Variants in PARP11 observed in about 807,000 individuals in gnomAD.
The protein encoded by PARP11 is protein mono-ADP-ribosyltransferase PARP11.
Under a neutral mutation model 42.9 loss-of-function variants are expected in PARP11, and 31 were observed. The ratio of observed to expected loss-of-function variants is 0.72; its 90% CI spans 0.54 to 0.98. The LOEUF (loss-of-function observed/expected upper bound fraction) is 0.98. PARP11 is among the 50% of genes least tolerant of loss of function. The pLI is 0.00. For missense variants in PARP11, 365 were observed against 413.1 expected, an observed-to-expected ratio of 0.88 and a Z score of 1.01; for synonymous variants, 137 against 127.3, an observed-to-expected ratio of 1.08 and a Z score of -0.51.
intron 1 of PARP11, among the ~76,000 whole-genome samples, chr12:3,856,307 G>A (rs1159973710): frequency 6.6e-6 from 1 of 152,130 alleles, no homozygotes; most frequent in African/African-American, 2.4e-5. Context: ...CACAGCACAA[G>A]AAACTACCAT....
chr12:3,826,285 A>G (rs745861309), intron 3 of PARP11, 52 bp from the exon 4 acceptor site: 4 of 1,326,876 alleles, frequency 3.0e-6, no homozygotes, highest in Non-Finnish European at 4.2e-6. Flanking sequence ...ACTGTACTAT[A>G]AAGTGTCATG....
At chr12:3,819,887 T>G (rs1184472956) in intron 6 of PARP11, among the ~76,000 whole-genome samples, 1 of 152,156 alleles carries the variant, frequency 6.6e-6, no homozygotes, top group Non-Finnish European at 1.5e-5. Flanking sequence ...TCTACCTAAT[T>G]TCTGTTCAAT....
At position 3,836,339 on chromosome 12, in the gene PARP11, A is replaced by AC. The variant is rs1465183581; in HGVS notation, c.19-6322_19-6321insG. ...AATACATAAAGTAAAAAACAAACAA[A>AC]AAAAAAGCGCCTATCAACCAAGAAT... On this transcript the variant is annotated intron_variant, in intron 1 of 7. Coordinates refer to ENST00000228820, the MANE Select transcript of PARP11 (RefSeq NM_020367.6). Among the ~76,000 whole-genome samples, 10 of 152,150 alleles carry AC rather than the reference A, an allele frequency of 6.6e-5. No individual in the cohort carries two copies. In the South Asian group the frequency reaches 1.0e-3, roughly 16 times the overall value.
At chr12:3,870,788 G>A (rs762198526) in intron 1 of PARP11, among the ~76,000 whole-genome samples, 15 of 152,148 alleles carry the variant, frequency 9.9e-5, no homozygotes, top group Non-Finnish European at 2.1e-4. Context: ...TGGCTAAAGG[G>A]TTTGTTATGG....
At chr12:3,831,604 C>T (rs1374060096) in intron 1 of PARP11, among the ~76,000 whole-genome samples, 1 of 152,026 alleles carries the variant, frequency 6.6e-6, no homozygotes, top group Non-Finnish European at 1.5e-5. Flanking sequence ...AGTGCCTGAC[C>T]TCAATGAAGG....
chr12:3,823,882 C>T (rs1947459444), intron 4 of PARP11, among the ~76,000 whole-genome samples: 1 of 149,624 alleles, frequency 6.7e-6, no homozygotes, highest in Non-Finnish European at 1.5e-5. Context: ...CACCACTGCA[C>T]TCCAGCCTGG....
intron 1 of PARP11, chr12:3,841,495 A>G: frequency 1.3e-6 from 2 of 1,505,778 alleles, no homozygotes; most frequent in Non-Finnish European, 1.8e-6. Context: ...GACTGAGGCT[A>G]GTGTTAATGG....
chr12:3,851,140 T>C (rs1391614765), intron 1 of PARP11, among the ~76,000 whole-genome samples: 37 of 152,192 alleles, frequency 2.4e-4, no homozygotes, highest in Admixed American at 2.4e-3. Flanking sequence ...TGGGGGTCCA[T>C]TCCAAGATGG....
intron 4 of PARP11, among the ~76,000 whole-genome samples, chr12:3,824,997 C>A (rs1947488202): frequency 6.6e-6 from 1 of 151,946 alleles, no homozygotes; most frequent in Non-Finnish European, 1.5e-5. Context: ...TAAAATAAAA[C>A]CAAAAGTCTT....
Position 3,816,834 on chromosome 12 carries a change from G to A in PARP11, c.549-2646C>T, listed in dbSNP as rs528044369. Among the ~76,000 whole-genome samples, 476 of 152,226 alleles carry A rather than the reference G, an allele frequency of 3.1e-3. 5 individuals carry two copies. The highest frequency in any genetic ancestry group is 0.011 in the African/African-American group (437 of 41,518). ...GGAGAATTACTTGAATCCAGGAGGCGGAGGTTGTAATGAGCTGAGATTGTG... is the reference window on the plus strand; with the variant it reads ...GGAGAATTACTTGAATCCAGGAGGCAGAGGTTGTAATGAGCTGAGATTGTG... On this transcript the variant is annotated intron_variant, in intron 6 of 7. Coordinates refer to ENST00000228820, the MANE Select transcript of PARP11 (RefSeq NM_020367.6).
intron 1 of PARP11, among the ~76,000 whole-genome samples, chr12:3,835,483 T>C (rs1436129938): frequency 2.0e-5 from 3 of 151,968 alleles, no homozygotes; most frequent in African/African-American, 7.3e-5. Flanking sequence ...TTATGAGACA[T>C]AAAAAAACTT....
intron 1 of PARP11, among the ~76,000 whole-genome samples, chr12:3,850,476 T>C (rs531466509): frequency 9.2e-5 from 14 of 152,294 alleles, no homozygotes; most frequent in Non-Finnish European, 1.5e-4. Context: ...GAAAAAAGAC[T>C]TTCCCAGGCC....
At chr12:3,853,552 T>A (rs917482145) in intron 1 of PARP11, among the ~76,000 whole-genome samples, 6 of 152,150 alleles carry the variant, frequency 3.9e-5, no homozygotes. Flanking sequence ...CATTACATAA[T>A]GGTAAAGGGA....
intron 1 of PARP11, among the ~76,000 whole-genome samples, chr12:3,860,801 T>A (rs187737883): frequency 6.6e-6 from 1 of 152,286 alleles, no homozygotes; most frequent in Admixed American, 6.5e-5. Context: ...TTCAGCTTCC[T>A]GAGGAGCTGG....
intron 4 of PARP11, among the ~76,000 whole-genome samples, chr12:3,823,733 G>C (rs949454670): frequency 2.6e-5 from 4 of 152,062 alleles, no homozygotes. Flanking sequence ...CTGGGCAACA[G>C]AGTGAAACCC....
At chr12:3,849,292 C>T (rs1007552512) in intron 1 of PARP11, among the ~76,000 whole-genome samples, 2 of 152,050 alleles carry the variant, frequency 1.3e-5, no homozygotes, top group African/African-American at 4.8e-5. Flanking sequence ...TATCCAGCAA[C>T]TCCACGACTG....
At chr12:3,837,957 C>T (rs1436139952) in intron 1 of PARP11, among the ~76,000 whole-genome samples, 1 of 151,286 alleles carries the variant, frequency 6.6e-6, no homozygotes, top group Non-Finnish European at 1.5e-5. Flanking sequence ...ATAAAACAAA[C>T]ATTAATAGAC....
At chr12:3,872,047 G>A (rs1056919793) in intron 1 of PARP11, 11 of 152,104 alleles carry the variant, frequency 7.2e-5, no homozygotes, top group African/African-American at 2.4e-4. Context: ...TATAGGAACT[G>A]GCCATAAAGA....
chr12:3,823,818 A>G (rs1037853440), intron 4 of PARP11, among the ~76,000 whole-genome samples: 1 of 151,900 alleles, frequency 6.6e-6, no homozygotes, highest in African/African-American at 2.4e-5. Flanking sequence ...CGGGAGGCTG[A>G]GACAGGAGAA....
Sources: gnomAD v4.1 joint callset for allele counts (sites outside exome capture counted in the v4.1 genomes callset) on GRCh38, gnomAD v4.1.1 for gene constraint, MANE v1.5 for transcripts, NCBI Gene and HGNC (gene_info 2026-07-23, HGNC 2026-07-21) for gene names.